PDE4D: variants seen among roughly 807,000 people sequenced by gnomAD.
PDE4D encodes 3',5'-cyclic-AMP phosphodiesterase 4D.
A neutral mutation model predicts 87.4 loss-of-function variants in PDE4D; 24 were observed. The ratio of observed to expected loss-of-function variants is 0.27; its 90% CI spans 0.20 to 0.39. PDE4D has a LOEUF of 0.39. Ranked by LOEUF, PDE4D falls within the 10% of genes least tolerant of loss-of-function variation. The pLI is 1.00. For synonymous variants in PDE4D, 384 were observed against 383.2 expected (o/e 1.00, Z -0.02); for missense variants, 714 against 1,041.0 (o/e 0.69, Z 4.32).
At chr5:60,165,449 C>A (rs1368862898) in intron 2 of PDE4D, among the ~76,000 whole-genome samples, 1 of 152,060 alleles carries the variant, frequency 6.6e-6, no homozygotes, top group Admixed American at 6.6e-5. Flanking sequence ...TAGTGTGATG[C>A]CTCCAGCTTT....
At chr5:59,480,001 C>G (rs1480367665) in intron 1 of PDE4D, among the ~76,000 whole-genome samples, 4 of 151,706 alleles carry the variant, frequency 2.6e-5, no homozygotes, top group African/African-American at 9.7e-5. Flanking sequence ...GGCTCTTTCT[C>G]CAAACATTTT....
chr5:60,453,864 G>C (rs1370743587), intron 1 of PDE4D, among the ~76,000 whole-genome samples: 1 of 152,170 alleles, frequency 6.6e-6, no homozygotes, highest in Non-Finnish European at 1.5e-5. Flanking sequence ...AAGTGCACCT[G>C]TGTTATTTTA....
intron 1 of PDE4D, among the ~76,000 whole-genome samples, chr5:59,590,000 G>GA (rs1234454843): frequency 6.6e-6 from 1 of 151,852 alleles, no homozygotes; most frequent in Non-Finnish European, 1.5e-5. Flanking sequence ...AGATAGCAAA[G>GA]AAAAAACTGT....
At chr5:59,817,751 C>CA (rs1554091292) in intron 1 of PDE4D, among the ~76,000 whole-genome samples, 2 of 149,216 alleles carry the variant, frequency 1.3e-5, no homozygotes, top group African/African-American at 4.9e-5. Context: ...CACCCCCCCC[C>CA]ACACACACAC....
intron 1 of PDE4D, among the ~76,000 whole-genome samples, chr5:60,411,344 A>C (rs1742025986): frequency 6.6e-6 from 1 of 152,226 alleles, no homozygotes; most frequent in African/African-American, 2.4e-5. Flanking sequence ...GACTAGCTTA[A>C]GTATAAAGCA....
intron 5 of PDE4D, among the ~76,000 whole-genome samples, chr5:59,058,809 TCC>T (rs1762716712): frequency 6.6e-6 from 1 of 152,142 alleles, no homozygotes; most frequent in Non-Finnish European, 1.5e-5. Flanking sequence ...GTTTAAGTCT[TCC>T]TTTTAAACTT....
intron 1 of PDE4D, among the ~76,000 whole-genome samples, chr5:59,521,383 G>C (rs565144968): frequency 6.6e-6 from 1 of 152,182 alleles, no homozygotes; most frequent in Non-Finnish European, 1.5e-5. Flanking sequence ...TGCTGGAAAC[G>C]TGGAGACCCC....
chr5:59,237,192 C>T lies in PDE4D; in HGVS notation c.456-21224G>A, dbSNP rs541772136. Among the ~76,000 whole-genome samples the T allele has an allele frequency of 6.6e-5, 10 of 152,272 alleles. No individual in the cohort carries two copies. In the East Asian group the frequency reaches 1.9e-3, roughly 29 times the overall value. On this transcript the variant is annotated intron_variant, in intron 1 of 14. Coordinates refer to ENST00000340635, the MANE Select transcript of PDE4D (RefSeq NM_001104631.2). ...TTCTTCCTTCCACAATTCCAAACAT[C>T]TTATTCACACTGTCAATAAAGCATT...
chr5:59,798,001 C>T (rs567154547), intron 1 of PDE4D, among the ~76,000 whole-genome samples: 57 of 151,944 alleles, frequency 3.8e-4, no homozygotes, highest in Non-Finnish European at 6.9e-4. Context: ...TTTGGGAGTC[C>T]GAGTCTGGAG....
At chr5:59,697,311 C>A (rs1320207861) in intron 1 of PDE4D, among the ~76,000 whole-genome samples, 4 of 152,068 alleles carry the variant, frequency 2.6e-5, no homozygotes, top group Admixed American at 1.3e-4. Flanking sequence ...GTTACATAAT[C>A]AATTAATTAT....
intron 1 of PDE4D, among the ~76,000 whole-genome samples, chr5:59,785,989 G>A (rs755099415): frequency 9.2e-5 from 14 of 151,394 alleles, no homozygotes; most frequent in Non-Finnish European, 1.5e-4. Context: ...AGTGAGAATG[G>A]TTGGGGGGTG....
At chr5:59,367,152 T>C (rs1021532302) in intron 1 of PDE4D, among the ~76,000 whole-genome samples, 3 of 152,190 alleles carry the variant, frequency 2.0e-5, no homozygotes, top group Non-Finnish European at 4.4e-5. Flanking sequence ...TATAAACTCA[T>C]TACAGCAGAA....
chr5:59,673,476 T>A (rs539328625), intron 1 of PDE4D, among the ~76,000 whole-genome samples: 8 of 152,336 alleles, frequency 5.3e-5, no homozygotes, highest in Admixed American at 2.0e-4. Flanking sequence ...TACTCCCTTT[T>A]TGAATGCAAA....
chr5:59,050,652 T>C (rs903128319), intron 5 of PDE4D, among the ~76,000 whole-genome samples: 1 of 152,214 alleles, frequency 6.6e-6, no homozygotes, highest in South Asian at 2.1e-4. Context: ...CCACAACCTA[T>C]AAGAGCTCTT....
intron 1 of PDE4D, among the ~76,000 whole-genome samples, chr5:59,781,809 A>T (rs1764661152): frequency 1.3e-5 from 2 of 150,930 alleles, no homozygotes; most frequent in Admixed American, 1.3e-4. Context: ...AAAAAAAAAA[A>T]AAAAAATCAA....
At chr5:60,344,995 CT>C (rs1029475637) in intron 1 of PDE4D, among the ~76,000 whole-genome samples, 11 of 151,422 alleles carry the variant, frequency 7.3e-5, no homozygotes, top group African/African-American at 2.2e-4. Context: ...AATACTTTGA[CT>C]TTTTTTGCAA....
chr5:59,229,970 G>A (rs1754793393), intron 1 of PDE4D, among the ~76,000 whole-genome samples: 1 of 151,960 alleles, frequency 6.6e-6, no homozygotes. Flanking sequence ...GGCTAATTTT[G>A]TATTTGGGGT....
intron 1 of PDE4D, among the ~76,000 whole-genome samples, chr5:60,390,875 C>T (rs1762517861): frequency 6.6e-6 from 1 of 152,126 alleles, no homozygotes; most frequent in Admixed American, 6.6e-5. Context: ...TTTCTTCCTT[C>T]CTAAAAGAAG....
At chr5:60,392,052 G>T (rs1435592030) in intron 1 of PDE4D, among the ~76,000 whole-genome samples, 1 of 152,128 alleles carries the variant, frequency 6.6e-6, no homozygotes, top group Non-Finnish European at 1.5e-5. Context: ...CAACAGAAAA[G>T]TAGAGTTAAT....
Sources: allele counts gnomAD v4.1 joint callset (sites outside exome capture counted in the v4.1 genomes callset), GRCh38; gene constraint gnomAD v4.1.1; transcripts MANE v1.5; gene names NCBI Gene and HGNC (gene_info 2026-07-23, HGNC 2026-07-21).